The following NCALD variants were observed in gnomAD, a reference collection of about 807,000 sequenced individuals.
NCALD encodes the protein neurocalcin-delta.
A neutral mutation model predicts 18.6 loss-of-function variants in NCALD; 10 were observed. The ratio of observed to expected loss-of-function variants is 0.54; its 90% CI spans 0.33 to 0.91. The LOEUF is 0.91. Among genes scored for constraint, NCALD ranks in the 40% least tolerant of loss-of-function variants. The probability of loss-of-function intolerance (pLI) is 0.03; values close to 1 mark genes in which losing one functional copy is unlikely to be tolerated. For synonymous variants in NCALD, 88 were observed against 87.4 expected, an observed-to-expected ratio of 1.01 and a Z score of -0.04; for missense variants, 184 against 247.6, an observed-to-expected ratio of 0.74 and a Z score of 1.72.
At chr8:101,812,792 A>G (rs1813354822) in intron 4 of NCALD, among the ~76,000 whole-genome samples, 1 of 152,152 alleles carries the variant, frequency 6.6e-6, no homozygotes, top group African/African-American at 2.4e-5. Flanking sequence ...TGTAGTTCCT[A>G]CAATTCCTCT....
intron 1 of NCALD, among the ~76,000 whole-genome samples, chr8:102,102,396 T>C (rs1825312738): frequency 6.6e-6 from 1 of 152,188 alleles, no homozygotes. Context: ...GAGGAAACAT[T>C]TTGTGCCCTA....
chr8:101,743,424 T>C (rs968439394), intron 1 of NCALD, among the ~76,000 whole-genome samples: 82 of 152,318 alleles, frequency 5.4e-4, no homozygotes, highest in African/African-American at 1.9e-3. Context: ...CATGAAACAT[T>C]TAAGTCTACA....
At chr8:101,996,566 A>C (rs1043343617) in intron 2 of NCALD, among the ~76,000 whole-genome samples, 1 of 152,240 alleles carries the variant, frequency 6.6e-6, no homozygotes, top group Admixed American at 6.5e-5. Context: ...AAGCAGAGGC[A>C]GATCCTGATA....
intron 1 of NCALD, among the ~76,000 whole-genome samples, chr8:102,039,057 T>C (rs1489964139): frequency 6.6e-6 from 1 of 152,176 alleles, no homozygotes; most frequent in African/African-American, 2.4e-5. Flanking sequence ...ACTTCAGGCC[T>C]ACAACTTCAA....
chr8:102,045,782 T>G (rs1823217564), intron 1 of NCALD, among the ~76,000 whole-genome samples: 1 of 152,258 alleles, frequency 6.6e-6, no homozygotes, highest in Non-Finnish European at 1.5e-5. Context: ...TCACTTCATT[T>G]CACTTTTTAA....
intron 3 of NCALD, among the ~76,000 whole-genome samples, chr8:101,905,323 G>A (rs1817575252): frequency 6.6e-6 from 1 of 151,216 alleles, no homozygotes; most frequent in Non-Finnish European, 1.5e-5. Flanking sequence ...TCTTTTCCCT[G>A]GGGGTATTTT....
Position 101,826,745 on chromosome 8 carries a change from C to T in NCALD, c.-20+60396G>A, listed in dbSNP as rs112581470. Among the ~76,000 whole-genome samples the T allele has an allele frequency of 5.7e-3, 867 of 152,268 alleles. 11 individuals carry two copies. The highest frequency in any genetic ancestry group is 0.018 in the African/African-American group (762 of 41,558). ...TTATTTACCAAATAGACTTCTCATA[C>T]CCTAAATTAGGAGGATCCTGGCTTA... On this transcript the variant is annotated intron_variant, in intron 4 of 6. Coordinates refer to the NCALD transcript ENST00000311028.
At chr8:101,912,944 T>C (rs1386721582) in intron 3 of NCALD, among the ~76,000 whole-genome samples, 1 of 152,220 alleles carries the variant, frequency 6.6e-6, no homozygotes, top group Non-Finnish European at 1.5e-5. Context: ...AGATGCCACA[T>C]GGGAAGAAGC....
intron 1 of NCALD, among the ~76,000 whole-genome samples, chr8:101,790,158 C>T (rs1812393403): frequency 6.6e-6 from 1 of 152,182 alleles, no homozygotes; most frequent in African/African-American, 2.4e-5. Flanking sequence ...ATTCTCTTCA[C>T]AGCTGAATTT....
intron 4 of NCALD, among the ~76,000 whole-genome samples, chr8:101,802,699 C>G (rs4734597): frequency 0.68 from 103,967 of 151,838 alleles, 36,367 homozygotes; most frequent in Non-Finnish European, 0.75. Context: ...CAGTCCCTAA[C>G]TCTCTTCAAT....
At chr8:101,692,060 G>A (rs770789358) in intron 3 of NCALD, 1 of 971,936 alleles carries the variant, frequency 1.0e-6, no homozygotes, top group African/African-American at 1.8e-5. Flanking sequence ...TTTTTAGTTG[G>A]CTAAACAATT....
intron 2 of NCALD, among the ~76,000 whole-genome samples, chr8:102,013,186 T>C (rs1821965105): frequency 6.6e-6 from 1 of 152,206 alleles, no homozygotes; most frequent in Non-Finnish European, 1.5e-5. Context: ...ATTGAATTGC[T>C]GGCCTGAGAG....
chr8:101,943,219 G>A (rs941694677), intron 2 of NCALD, among the ~76,000 whole-genome samples: 2 of 152,166 alleles, frequency 1.3e-5, no homozygotes, highest in Non-Finnish European at 2.9e-5. Context: ...CCCATCCAGG[G>A]AGAACAGGCA....
intron 1 of NCALD, among the ~76,000 whole-genome samples, chr8:102,084,937 T>A (rs1013795885): frequency 1.3e-5 from 2 of 152,154 alleles, no homozygotes; most frequent in African/African-American, 4.8e-5. Context: ...AGAATAGAAG[T>A]TCTGGGAAAA....
At chr8:101,966,121 G>C (rs1820018791) in intron 2 of NCALD, among the ~76,000 whole-genome samples, 1 of 151,252 alleles carries the variant, frequency 6.6e-6, no homozygotes, top group Admixed American at 6.6e-5. Context: ...AACATTATTA[G>C]ATATTTCACA....
intron 1 of NCALD, among the ~76,000 whole-genome samples, chr8:101,757,038 A>G (rs1385038038): frequency 6.6e-6 from 1 of 152,166 alleles, no homozygotes; most frequent in African/African-American, 2.4e-5. Context: ...TTTAGGAACA[A>G]CATTTTTCCA....
In NCALD at chr8:101,883,514, A is replaced by G. The variant is rs577165573; in HGVS notation, c.-20+3627T>C. Among the ~76,000 whole-genome samples, 22 of 152,256 alleles carry G rather than the reference A, an allele frequency of 1.4e-4. No individual in the cohort carries two copies. The East Asian group carries it at 2.9e-3, about 20-fold the overall frequency. ...GCACAGGGAGGACAATGGGATCACT[A>G]TTGTCTCAGAAACAAGAACAAATTA... On this transcript the variant is annotated intron_variant, in intron 4 of 6. Coordinates refer to the NCALD transcript ENST00000311028.
At chr8:101,772,944 C>T (rs568757719) in intron 1 of NCALD, among the ~76,000 whole-genome samples, 1 of 152,090 alleles carries the variant, frequency 6.6e-6, no homozygotes, top group Admixed American at 6.6e-5. Flanking sequence ...TAGGAGTAGA[C>T]CCTAGTATAT....
chr8:101,802,751 C>T (rs1318165554), intron 4 of NCALD, among the ~76,000 whole-genome samples: 2 of 151,926 alleles, frequency 1.3e-5, no homozygotes, highest in Non-Finnish European at 2.9e-5. Context: ...CAGAATAAAA[C>T]TTTGAATCTA....
Sources: allele counts gnomAD v4.1 joint callset (sites outside exome capture counted in the v4.1 genomes callset), GRCh38; gene constraint gnomAD v4.1.1; transcripts MANE v1.5; gene names NCBI Gene and HGNC (gene_info 2026-07-23, HGNC 2026-07-21).